The following BANP variants were observed in gnomAD, a reference collection of about 807,000 sequenced individuals.
The protein encoded by BANP is BTG3 associated nuclear protein, also known as protein BANP.
Under a neutral mutation model 68.1 loss-of-function variants are expected in BANP, and 11 were observed. That is an observed-to-expected ratio of 0.16 (90% CI 0.10 to 0.27). The LOEUF (loss-of-function observed/expected upper bound fraction) is 0.27, where lower values mean the gene tolerates loss of function less well. Among genes scored for constraint, BANP ranks in the 10% least tolerant of loss-of-function variants. BANP has a pLI of 1.00. For missense variants in BANP, 504 were observed against 722.7 expected (o/e 0.70, Z 3.47); for synonymous variants, 329 against 303.2 (o/e 1.09, Z -0.88).
chr16:87,973,116 T>G (rs1463294967), intron 1 of BANP, among the ~76,000 whole-genome samples: 1 of 152,116 alleles, frequency 6.6e-6, no homozygotes, highest in Admixed American at 6.5e-5. Flanking sequence ...TTGCTATCCT[T>G]GGAGGTCTGT....
intron 7 of BANP, among the ~76,000 whole-genome samples, chr16:88,020,893 G>A (rs72818516): frequency 5.5e-4 from 84 of 152,324 alleles, no homozygotes; most frequent in African/African-American, 1.9e-3. Context: ...ACAGGGGCAT[G>A]GCAGGGCGAT....
intron 6 of BANP, among the ~76,000 whole-genome samples, chr16:88,014,107 A>G (rs2073912791): frequency 6.6e-6 from 1 of 152,188 alleles, no homozygotes; most frequent in Non-Finnish European, 1.5e-5. Context: ...GTTTAGAGTC[A>G]GAGTCTCCTG....
At chr16:88,046,520 C>T (rs1219503571) in intron 11 of BANP, among the ~76,000 whole-genome samples, 2 of 151,906 alleles carry the variant, frequency 1.3e-5, no homozygotes, top group Non-Finnish European at 2.9e-5. Context: ...TGTTTATGTT[C>T]TTTTTTTAAT....
chr16:87,956,762 T>G (rs184365283), intron 1 of BANP: 4 of 152,254 alleles, frequency 2.6e-5, no homozygotes, highest in Admixed American at 2.6e-4. Flanking sequence ...GGACTCCCTT[T>G]GTCTGTTGTA....
intron 7 of BANP, among the ~76,000 whole-genome samples, chr16:88,024,022 T>A (rs890506095): frequency 6.6e-6 from 1 of 151,732 alleles, no homozygotes; most frequent in Non-Finnish European, 1.5e-5. Context: ...AGCAGCCGGA[T>A]GCCGAGCACT....
intron 8 of BANP, among the ~76,000 whole-genome samples, chr16:88,029,597 C>T (rs1233104413): frequency 1.6e-5 from 2 of 128,680 alleles, no homozygotes; most frequent in East Asian, 2.3e-4. Context: ...GGCTACAGAG[C>T]AAGACTCCGT....
At chr16:87,972,988 A>G (rs1293582659) in intron 1 of BANP, among the ~76,000 whole-genome samples, 11 of 151,570 alleles carry the variant, frequency 7.3e-5, no homozygotes, top group East Asian at 2.0e-4. Flanking sequence ...CCTCCATCCT[A>G]TGCCCGTGTG....
chr16:88,007,659 AGTT>A (rs2071644519), intron 6 of BANP, among the ~76,000 whole-genome samples: 1 of 152,166 alleles, frequency 6.6e-6, no homozygotes, highest in Non-Finnish European at 1.5e-5. Flanking sequence ...TCTGCGTCTG[AGTT>A]GTTGATTTTT....
At chr16:88,055,619 T>C (rs115415739) in intron 11 of BANP, among the ~76,000 whole-genome samples, 184 of 152,328 alleles carry the variant, frequency 1.2e-3, no homozygotes, top group African/African-American at 4.2e-3. Flanking sequence ...GTGTAGGATT[T>C]TTTTGGAGAG....
intron 6 of BANP, among the ~76,000 whole-genome samples, chr16:88,007,916 C>T (rs947516920): frequency 6.6e-6 from 1 of 151,756 alleles, no homozygotes; most frequent in African/African-American, 2.4e-5. Flanking sequence ...TTAAAGCATA[C>T]GTCTCAGTTG....
chr16:87,981,574 G>A (rs1161689582), intron 3 of BANP, among the ~76,000 whole-genome samples: 7 of 152,242 alleles, frequency 4.6e-5, no homozygotes, highest in African/African-American at 9.6e-5. Context: ...AGGTTCTGGC[G>A]GTTAGGATGT....
At chr16:88,040,122 C>G (rs1283079123) in intron 11 of BANP, among the ~76,000 whole-genome samples, 2 of 152,126 alleles carry the variant, frequency 1.3e-5, no homozygotes, top group African/African-American at 2.4e-5. Flanking sequence ...CGGGCGGAAT[C>G]TTGGTACATG....
chr16:88,067,581 C>CT (rs200433007), intron 12 of BANP, among the ~76,000 whole-genome samples: 2 of 152,028 alleles, frequency 1.3e-5, no homozygotes, highest in African/African-American at 2.4e-5. Flanking sequence ...TTTCAGAGTC[C>CT]TTTTTTTTCC....
chr16:88,031,796 C>G (rs1160353021), intron 8 of BANP, among the ~76,000 whole-genome samples: 1 of 127,080 alleles, frequency 7.9e-6, no homozygotes, highest in South Asian at 3.0e-4. Flanking sequence ...CCCGCTCTTG[C>G]CCTCCCCTCT....
intron 12 of BANP, among the ~76,000 whole-genome samples, chr16:88,067,275 G>A (rs1223439145): frequency 6.6e-6 from 1 of 152,156 alleles, no homozygotes; most frequent in African/African-American, 2.4e-5. Flanking sequence ...GCTGGGCTGG[G>A]TGTGGGGCGC....
chr16:88,047,856 C>T (rs138797705), intron 11 of BANP, among the ~76,000 whole-genome samples: 1 of 152,242 alleles, frequency 6.6e-6, no homozygotes, highest in African/African-American at 2.4e-5. Flanking sequence ...TTTGACTGTG[C>T]TTTCTTTTTA....
intron 1 of BANP, among the ~76,000 whole-genome samples, chr16:87,973,189 A>C (rs1293761198): frequency 6.6e-6 from 1 of 151,186 alleles, no homozygotes; most frequent in Non-Finnish European, 1.5e-5. Flanking sequence ...TCCCAGCTGG[A>C]CTTTTTAGAG....
intron 2 of BANP, among the ~76,000 whole-genome samples, chr16:87,975,857 C>T (rs11646531): frequency 0.023 from 1,854 of 79,678 alleles, 4 homozygotes; most frequent in Non-Finnish European, 0.032. Flanking sequence ...CTGTGTGTGG[C>T]GTCATGGAAC....
At chr16:88,026,194 G>C (rs894026101) in intron 7 of BANP, among the ~76,000 whole-genome samples, 2 of 152,220 alleles carry the variant, frequency 1.3e-5, no homozygotes, top group Non-Finnish European at 2.9e-5. Flanking sequence ...GCGTGTGCAC[G>C]GTGAGCCCCA....
Sources: gnomAD v4.1 joint callset for allele counts (sites outside exome capture counted in the v4.1 genomes callset) on GRCh38, gnomAD v4.1.1 for gene constraint, MANE v1.5 for transcripts, NCBI Gene and HGNC (gene_info 2026-07-23, HGNC 2026-07-21) for gene names.